The following GCLC variants were observed in gnomAD, a reference collection of about 807,000 sequenced individuals.
GCLC encodes the protein glutamate-cysteine ligase catalytic subunit, also known as glutamate--cysteine ligase catalytic subunit.
In GCLC, 30 loss-of-function variants were observed where a neutral mutation model predicts 81.5. That is an observed-to-expected ratio of 0.37 (90% CI 0.28 to 0.50). The LOEUF (loss-of-function observed/expected upper bound fraction) is 0.50, where lower values mean the gene tolerates loss of function less well. GCLC is among the 20% of genes least tolerant of loss of function. GCLC has a pLI of 0.96. For synonymous variants in GCLC, 262 were observed against 273.3 expected (o/e 0.96, Z 0.41); for missense variants, 556 against 777.4 (o/e 0.72, Z 3.39).
chr6:53,507,829 T>C (rs1010655621), intron 8 of GCLC, among the ~76,000 whole-genome samples: 3 of 152,212 alleles, frequency 2.0e-5, no homozygotes, highest in African/African-American at 7.2e-5. Flanking sequence ...TATACTTTTA[T>C]CTTTTAAAAG....
At chr6:53,520,060 T>A (rs1007180389) in intron 3 of GCLC, among the ~76,000 whole-genome samples, 1 of 152,216 alleles carries the variant, frequency 6.6e-6, no homozygotes, top group Non-Finnish European at 1.5e-5. Flanking sequence ...CTGACAGACA[T>A]CTAGCATAGA....
At chr6:53,522,653 T>C in intron 1 of GCLC, 126 bp from the exon 2 acceptor site, 1 of 681,324 alleles carries the variant, frequency 1.5e-6, no homozygotes, top group South Asian at 1.5e-5. Context: ...GACAGTCACA[T>C]TTGTTTACAG....
At chr6:53,534,575 G>A (rs1167545963) in intron 1 of GCLC, among the ~76,000 whole-genome samples, 1 of 152,088 alleles carries the variant, frequency 6.6e-6, no homozygotes. Flanking sequence ...CTGAGAAACG[G>A]GGGAAAATCA....
chr6:53,507,283 G>T (rs901244251), intron 9 of GCLC, among the ~76,000 whole-genome samples, 197 bp downstream of exon 9: 2 of 152,158 alleles, frequency 1.3e-5, no homozygotes, highest in Non-Finnish European at 2.9e-5. Flanking sequence ...TCCAAAGTAA[G>T]CTCCTTTTGC....
At chr6:53,520,193 C>T (rs1762966724) in intron 3 of GCLC, among the ~76,000 whole-genome samples, 1 of 152,190 alleles carries the variant, frequency 6.6e-6, no homozygotes, top group African/African-American at 2.4e-5. Context: ...CTTTTATGTA[C>T]TTTTGGTCAT....
At chr6:53,500,214 A>G (rs761286674) in intron 14 of GCLC, 33 bp downstream of exon 14, 52 of 1,613,304 alleles carry the variant, frequency 3.2e-5, no homozygotes, top group Admixed American at 3.0e-4. Context: ...GGATGTGCAC[A>G]GTGAGGGGTA....
intron 1 of GCLC, among the ~76,000 whole-genome samples, chr6:53,544,024 C>T (rs922234465): frequency 1.3e-5 from 2 of 152,202 alleles, no homozygotes; most frequent in Admixed American, 6.5e-5. Context: ...AAGGAAAAGA[C>T]ACCTGCATGA....
At chr6:53,522,378 A>G (rs928624677) in intron 2 of GCLC, 37 bp downstream of exon 2, 11 of 1,139,378 alleles carry the variant, frequency 9.7e-6, no homozygotes, top group Admixed American at 1.7e-5. Flanking sequence ...AAGTTTTAGC[A>G]GTTTCAGAAA....
chr6:53,534,458 A>G (rs946938170), intron 1 of GCLC, among the ~76,000 whole-genome samples: 1 of 143,308 alleles, frequency 7.0e-6, no homozygotes, highest in African/African-American at 2.6e-5. Context: ...GGCTAAATTT[A>G]CCCTCCTACC....
Position 53,500,293 on chromosome 6 carries a change from G to C in GCLC, c.1535C>G (p.Ala512Gly). ...GKAQNSTELA[A>G]EEYTLMSIDT... is the part of the protein sequence containing the mutation. ...TATGCTCATGAGGGTGTACTCCTCT[G>C]CAGCGAGCTCCGTGCTGTTCTGGGC... Residue 512 changes from alanine (A) to glycine (G), a missense_variant, in exon 14 of 16, where the codon GCA becomes GGA. Physicochemically the swap from Ala to Gly is moderately conservative, Grantham distance 60. Transcript: ENST00000650454. 1.9e-6 allele frequency: 3 copies of C among 1,614,178 alleles called. No homozygotes were observed. The highest frequency in any genetic ancestry group is 1.7e-6 in the Non-Finnish European group (2 of 1,180,020).
intron 15 of GCLC, among the ~76,000 whole-genome samples, 198 bp downstream of exon 15, chr6:53,499,847 A>C (rs531785413): frequency 6.6e-6 from 1 of 152,334 alleles, no homozygotes; most frequent in South Asian, 2.1e-4. Flanking sequence ...CTATTTTATG[A>C]ACTGATAAGA....
Position 53,530,991 on chromosome 6 carries a change from G to A in GCLC, c.151-8464C>T, listed in dbSNP as rs1290464968. 3.3e-5 allele frequency among the ~76,000 whole-genome samples: 5 copies of A among 152,262 alleles called. No individual in the cohort carries two copies. The South Asian group carries it at 8.3e-4, about 25-fold the overall frequency. ...GGAGCAGCTAAGAGTGCAGGCTTTG[G>A]AGTCAATCAGTTTGAATCTTGGTAA... On this transcript the variant is annotated intron_variant, in intron 1 of 15. Coordinates refer to ENST00000650454, the MANE Select transcript of GCLC (RefSeq NM_001498.4).
At chr6:53,500,376 C>T in intron 13 of GCLC, 26 bp from the exon 14 acceptor site, 2 of 1,609,946 alleles carry the variant, frequency 1.2e-6, no homozygotes. Flanking sequence ...GTCAGGGGAG[C>T]TTTAGCAGCT....
intron 1 of GCLC, among the ~76,000 whole-genome samples, chr6:53,535,401 C>G (rs971804233): frequency 6.6e-6 from 1 of 152,140 alleles, no homozygotes; most frequent in African/African-American, 2.4e-5. Flanking sequence ...GTGATCCCAG[C>G]TACTTGGGAG....
rs373619528 is a variant in GCLC at position 53,522,491 on chromosome 6, T to A, written c.187A>T (p.Lys63Ter). ...CCAGACAGGACCAACCGGACTTTTT[T>A]ATTTTCATGATCAAAAGATACCAAC... ...YMLVSFDHEN[K>*]KVRLVLSGEK... Residue 63 changes from lysine to a stop codon, truncating the protein, a stop_gained, in exon 2 of 16, where the codon AAA becomes TAA. Transcript: ENST00000650454. LOFTEE classifies it high-confidence loss of function. 6.2e-7 allele frequency: 1 copy of A among 1,611,288 alleles called. No individual in the cohort carries two copies. The highest frequency in any genetic ancestry group is 1.7e-5 in the Admixed American group (1 of 60,030).
At chr6:53,512,686 T>A (rs1436602451) in intron 6 of GCLC, among the ~76,000 whole-genome samples, 6 of 152,182 alleles carry the variant, frequency 3.9e-5, no homozygotes, top group Admixed American at 3.3e-4. Context: ...AAGCTTACAC[T>A]AGATGGAAAA....
intron 11 of GCLC, 89 bp from the exon 12 acceptor site, chr6:53,505,585 C>G: frequency 1.3e-6 from 1 of 798,118 alleles, no homozygotes; most frequent in Admixed American, 1.9e-5. Context: ...TCATGTCATT[C>G]CCAAGCCATC....
chr6:53,534,977 T>C (rs911740383), intron 1 of GCLC, among the ~76,000 whole-genome samples: 4 of 152,112 alleles, frequency 2.6e-5, no homozygotes, highest in Non-Finnish European at 5.9e-5. Flanking sequence ...GTTCTAAAAT[T>C]CACGTGGAAA....
intron 1 of GCLC, among the ~76,000 whole-genome samples, chr6:53,528,972 C>G (rs1763128316): frequency 6.6e-6 from 1 of 152,164 alleles, no homozygotes; most frequent in Non-Finnish European, 1.5e-5. Flanking sequence ...GACTCTCATA[C>G]AGGGAGAAAA....
Sources: allele counts gnomAD v4.1 joint callset (sites outside exome capture counted in the v4.1 genomes callset), GRCh38; gene constraint gnomAD v4.1.1; transcripts MANE v1.5; gene names NCBI Gene and HGNC (gene_info 2026-07-23, HGNC 2026-07-21).